The following MYCBP2 variants were observed in gnomAD, a reference collection of about 807,000 sequenced individuals.
MYCBP2 encodes the protein E3 ubiquitin-protein ligase MYCBP2.
A neutral mutation model predicts 525.3 loss-of-function variants in MYCBP2; 120 were observed. The observed-to-expected ratio is 0.23, with a 90% CI of 0.20 to 0.27. The LOEUF (loss-of-function observed/expected upper bound fraction) is 0.27, where lower values mean the gene tolerates loss of function less well. MYCBP2 is among the 10% of genes least tolerant of loss of function. The probability of loss-of-function intolerance (pLI) is 1.00; values close to 1 mark genes in which losing one functional copy is unlikely to be tolerated. For missense variants in MYCBP2, 4,149 were observed against 5,657.1 expected (o/e 0.73, Z 8.55); for synonymous variants, 1,894 against 1,955.8 (o/e 0.97, Z 0.83).
chr13:77,318,037 T>C (rs1475630619), intron 1 of MYCBP2, among the ~76,000 whole-genome samples: 2 of 152,076 alleles, frequency 1.3e-5, no homozygotes, highest in African/African-American at 2.4e-5. Flanking sequence ...ATGATCCCTG[T>C]AGTAGAGGAT....
Position 77,067,789 on chromosome 13 carries a change from G to T in MYCBP2, c.12247C>A (p.Leu4083Ile). 1 of 1,614,076 alleles carries T rather than the reference G, an allele frequency of 6.2e-7. No individual in the cohort carries two copies. The highest frequency in any genetic ancestry group is 8.5e-7 in the Non-Finnish European group (1 of 1,179,978). ...ATATCACTGATATCTGCTGGGGGGA[G>T]GGATTTCACTCCTATGATGCTGGCC... Reference protein sequence around the residue: ...RLASIIGVKSLPPADISDIIH... With the variant: ...RLASIIGVKSIPPADISDIIH... Residue 4083 changes from leucine to isoleucine, a missense_variant, in exon 71 of 83, where the codon CTC becomes ATC. By Grantham distance (5) the Leu-to-Ile change is conservative (BLOSUM62 2). This residue lies in a region of MYCBP2 where 148 missense variants were observed against 179.4 expected (regional missense o/e 0.82). Transcript: ENST00000544440.
intron 32 of MYCBP2, among the ~76,000 whole-genome samples, chr13:77,183,919 T>C (rs530631478): frequency 6.6e-6 from 1 of 152,326 alleles, no homozygotes; most frequent in Non-Finnish European, 1.5e-5. Context: ...TCAGGTTTGC[T>C]AGGAGTTTAC....
At chr13:77,206,130 T>C (rs1242030159) in intron 24 of MYCBP2, among the ~76,000 whole-genome samples, 1 of 151,990 alleles carries the variant, frequency 6.6e-6, no homozygotes, top group Non-Finnish European at 1.5e-5. Context: ...ACAAAATACA[T>C]AGTTACATAG....
In MYCBP2 at chr13:77,156,044, C is replaced by A. The variant is rs1323165623; in HGVS notation, c.6915+14G>T. On this transcript the variant is annotated intron_variant, in intron 46 of 82. Coordinates refer to ENST00000544440, the MANE Select transcript of MYCBP2 (RefSeq NM_015057.5). The stretch of plus-strand genomic sequence containing the variant: ...GTATATAGATGTCTGCTAATTTAAT[C>A]CAGTTATAATTACCTTCATATTGGG... 1 of 1,605,978 alleles carries A rather than the reference C, an allele frequency of 6.2e-7. No homozygotes were observed. The highest frequency in any genetic ancestry group is 1.7e-5 in the Admixed American group (1 of 59,222).
intron 55 of MYCBP2, among the ~76,000 whole-genome samples, chr13:77,108,326 C>T (rs935033385): frequency 6.6e-6 from 1 of 152,072 alleles, no homozygotes; most frequent in Non-Finnish European, 1.5e-5. Flanking sequence ...TTAGGAAAAG[C>T]GTATCATTTC....
intron 5 of MYCBP2, among the ~76,000 whole-genome samples, chr13:77,271,102 T>A (rs550416512): frequency 2.2e-4 from 34 of 152,330 alleles, no homozygotes; most frequent in African/African-American, 7.5e-4. Flanking sequence ...ACTTTTGATA[T>A]TTTCTTTTAT....
At chr13:77,128,797 A>G (rs2052181104) in intron 52 of MYCBP2, among the ~76,000 whole-genome samples, 1 of 151,958 alleles carries the variant, frequency 6.6e-6, no homozygotes, top group South Asian at 2.1e-4. Flanking sequence ...CCATTCTCAG[A>G]TGAACATTCA....
At chr13:77,226,404 CT>C (rs1441366598) in intron 18 of MYCBP2, among the ~76,000 whole-genome samples, 1 of 152,156 alleles carries the variant, frequency 6.6e-6, no homozygotes, top group Non-Finnish European at 1.5e-5. Context: ...CAACAACTTA[CT>C]TTTTCTAATC....
At chr13:77,251,018 C>A in intron 15 of MYCBP2, 133 bp downstream of exon 15, 1 of 604,156 alleles carries the variant, frequency 1.7e-6, no homozygotes, top group Non-Finnish European at 2.8e-6. Context: ...CTTTCTTGGC[C>A]TTTTGGCTAA....
intron 37 of MYCBP2, 67 bp downstream of exon 37, chr13:77,174,244 C>A: frequency 6.9e-7 from 1 of 1,452,856 alleles, no homozygotes; most frequent in South Asian, 1.4e-5. Context: ...AGCAATTTTA[C>A]CTGGTAGTAG....
intron 63 of MYCBP2, chr13:77,082,235 A>G (rs775829596): frequency 2.1e-4 from 82 of 385,600 alleles, no homozygotes; most frequent in Middle Eastern, 7.3e-4. Flanking sequence ...TAAAAGAATT[A>G]GACAGATGAA....
intron 81 of MYCBP2, 142 bp downstream of exon 81, chr13:77,051,669 G>A (rs1407282009): frequency 1.8e-6 from 1 of 545,692 alleles, no homozygotes; most frequent in African/African-American, 1.9e-5. Context: ...ATGAAATAAT[G>A]TGAAAAATTA....
intron 1 of MYCBP2, among the ~76,000 whole-genome samples, chr13:77,322,798 T>C (rs2081837844): frequency 6.6e-6 from 1 of 152,196 alleles, no homozygotes; most frequent in Non-Finnish European, 1.5e-5. Context: ...ATACCACCAT[T>C]CACATTCAGA....
intron 18 of MYCBP2, among the ~76,000 whole-genome samples, chr13:77,227,789 A>T (rs2066505659): frequency 6.6e-6 from 1 of 152,192 alleles, no homozygotes; most frequent in African/African-American, 2.4e-5. Flanking sequence ...TATAGGCATA[A>T]ATCCCACAAT....
Position 77,174,506 on chromosome 13 carries a change from T to C in MYCBP2, c.5473-17A>G. On this transcript the variant is annotated splice_polypyrimidine_tract_variant and intron_variant, in intron 36 of 82. Coordinates refer to ENST00000544440, the MANE Select transcript of MYCBP2 (RefSeq NM_015057.5). The stretch of plus-strand genomic sequence containing the variant: ...AACATTTTCCTTCATTATAAAGATG[T>C]AAAACATCTTTTATTCACAATGTAC... 6.2e-7 allele frequency: 1 copy of C among 1,604,186 alleles called. No individual in the cohort carries two copies. The highest frequency in any genetic ancestry group is 8.5e-7 in the Non-Finnish European group (1 of 1,171,638).
At chr13:77,201,242 C>G (rs1279386176) in intron 26 of MYCBP2, among the ~76,000 whole-genome samples, 1 of 149,436 alleles carries the variant, frequency 6.7e-6, no homozygotes, top group Non-Finnish European at 1.5e-5. Flanking sequence ...GGGTTGCAAT[C>G]CTAGTCTCTG....
Position 77,173,954 on chromosome 13 carries a change from A to T in MYCBP2, c.5651+357T>A, listed in dbSNP as rs569874858. ...CAAGGCAACACCACTATCTGAGTAC[A>T]GTCTATCTGATCATTAGTTTGAGGT... On this transcript the variant is annotated intron_variant, in intron 37 of 82. Coordinates refer to ENST00000544440, the MANE Select transcript of MYCBP2 (RefSeq NM_015057.5). Among the ~76,000 whole-genome samples, 234 of 152,376 alleles carry T rather than the reference A, an allele frequency of 1.5e-3. 1 individual carries two copies. The highest frequency in any genetic ancestry group is 5.4e-3 in the African/African-American group (226 of 41,592).
chr13:77,135,465 A>G (rs1323452520), intron 52 of MYCBP2, among the ~76,000 whole-genome samples: 1 of 152,208 alleles, frequency 6.6e-6, no homozygotes, highest in Non-Finnish European at 1.5e-5. Context: ...AGCCCTGCAC[A>G]GTCAGATACT....
chr13:77,121,885 C>T (rs1253071665), intron 54 of MYCBP2, among the ~76,000 whole-genome samples: 1 of 151,656 alleles, frequency 6.6e-6, no homozygotes, highest in African/African-American at 2.4e-5. Context: ...AAGTATTTTG[C>T]ATATTAGTAT....
Sources: gnomAD v4.1 joint callset for allele counts (sites outside exome capture counted in the v4.1 genomes callset) on GRCh38, gnomAD v4.1.1 for gene constraint, gnomAD v4.1.1 regional missense constraint, MANE v1.5 for transcripts, NCBI Gene and HGNC (gene_info 2026-07-23, HGNC 2026-07-21) for gene names.